CHAF1B: variants seen among roughly 807,000 people sequenced by gnomAD.
CHAF1B encodes the protein CAF-1 subunit B.
Under a neutral mutation model 60.7 loss-of-function variants are expected in CHAF1B, and 10 were observed. The observed-to-expected ratio is 0.16, with a 90% confidence interval of 0.10 to 0.28. The LOEUF is 0.28. Among genes scored for constraint, CHAF1B ranks in the 10% least tolerant of loss-of-function variants. The pLI is 1.00. For missense variants in CHAF1B, 558 were observed against 708.4 expected, an observed-to-expected ratio of 0.79 and a Z score of 2.41; for synonymous variants, 261 against 266.1, an observed-to-expected ratio of 0.98 and a Z score of 0.19.
chr21:36,393,822 A>G (rs899320542), intron 4 of CHAF1B, among the ~76,000 whole-genome samples: 1 of 152,074 alleles, frequency 6.6e-6, no homozygotes, highest in Non-Finnish European at 1.5e-5. Flanking sequence ...AAATTTTGGA[A>G]TCTCATTTTA....
chr21:36,392,627 C>T (rs527466075), intron 4 of CHAF1B, among the ~76,000 whole-genome samples: 29 of 148,970 alleles, frequency 1.9e-4, no homozygotes, highest in South Asian at 6.4e-4. Context: ...GGCTGCTGGG[C>T]GGAGGGGCTC....
chr21:36,411,268 C>A (rs1444723955), intron 10 of CHAF1B, among the ~76,000 whole-genome samples, 195 bp from the exon 11 acceptor site: 1 of 151,968 alleles, frequency 6.6e-6, no homozygotes, highest in Non-Finnish European at 1.5e-5. Context: ...CACACACCCC[C>A]ACGCCTGGCT....
At chr21:36,415,877 C>A (rs929124802) in intron 13 of CHAF1B, 16 of 341,812 alleles carry the variant, frequency 4.7e-5, no homozygotes, top group Non-Finnish European at 6.2e-5. Context: ...CTCGGCCTCC[C>A]GAGTAGCCGG....
intron 7 of CHAF1B, 137 bp downstream of exon 7, chr21:36,399,742 G>C (rs1449514105): frequency 7.2e-6 from 5 of 691,150 alleles, no homozygotes; most frequent in Non-Finnish European, 1.3e-5. Flanking sequence ...GCTTCCTTTT[G>C]GACAGTCAAG....
chr21:36,415,528 C>A, intron 13 of CHAF1B, 139 bp downstream of exon 13: 2 of 650,586 alleles, frequency 3.1e-6, no homozygotes, highest in South Asian at 1.9e-5. Context: ...TTGTTTAAAC[C>A]CGCCGGCTGC....
chr21:36,416,929 T>C lies in CHAF1B; in HGVS notation c.*563T>C, dbSNP rs2086324247. 6.6e-6 allele frequency: 1 copy of C among 152,226 alleles called. No homozygotes were observed. The highest frequency in any genetic ancestry group is 1.5e-5 in the Non-Finnish European group (1 of 68,042). 9.4% of individuals were successfully genotyped at this position (152,226 alleles called of 1,614,324 possible). A position where few individuals can be genotyped will look rare whatever the true frequency, so the allele number is the denominator to read the frequency against. ...TCACCCATCATCTTCCCACCAGAAG[T>C]AACCCTCGTTAATGTTGTAGTATAT... On this transcript the variant is annotated 3_prime_UTR_variant, in exon 14 of 14. Transcript: ENST00000314103.
At chr21:36,387,993 G>T (rs906855415) in intron 3 of CHAF1B, among the ~76,000 whole-genome samples, 7 of 151,504 alleles carry the variant, frequency 4.6e-5, no homozygotes, top group African/African-American at 7.3e-5. Flanking sequence ...TAGTTTTTTT[G>T]TGTGTTTTTA....
At position 36,416,410 on chromosome 21, in the gene CHAF1B, G is replaced by A; in HGVS notation, c.*44G>A. ...TCGAAGCCTACCAGGCTCCCGGTGTGTGCAGGGAGACGGTAAAGCTGGAGG... is the reference window on the plus strand; with the variant it reads ...TCGAAGCCTACCAGGCTCCCGGTGTATGCAGGGAGACGGTAAAGCTGGAGG... On this transcript the variant is annotated 3_prime_UTR_variant, in exon 14 of 14. Transcript: ENST00000314103. The A allele has an allele frequency of 1.3e-6, 2 of 1,525,986 alleles. No individual in the cohort carries two copies. Among genetic ancestry groups the A allele is most frequent in the Non-Finnish European group, 9.0e-7 (1 of 1,111,002 alleles). The allele number at this position is 1,525,986 out of a possible 1,614,324, so 94.5% of individuals were successfully genotyped here.
intron 3 of CHAF1B, chr21:36,389,066 G>A (rs2269187): frequency 0.47 from 71,153 of 152,290 alleles, 20,114 homozygotes; most frequent in African/African-American, 0.8. Flanking sequence ...AAGATCCCGC[G>A]TCGGTACCCA....
intron 3 of CHAF1B, among the ~76,000 whole-genome samples, chr21:36,388,280 C>T (rs1252436758): frequency 6.6e-6 from 1 of 152,120 alleles, no homozygotes; most frequent in Non-Finnish European, 1.5e-5. Flanking sequence ...TTCCCGCAAG[C>T]TCCCACCAGG....
chr21:36,413,485 C>T (rs1189935478), intron 12 of CHAF1B, among the ~76,000 whole-genome samples, 170 bp downstream of exon 12: 1 of 152,200 alleles, frequency 6.6e-6, no homozygotes, highest in Non-Finnish European at 1.5e-5. Context: ...GCATATAGGC[C>T]TCTGTTTGTT....
chr21:36,394,667 T>G lies in CHAF1B; in HGVS notation c.481+17T>G, dbSNP rs920989693. On this transcript the variant is annotated intron_variant, in intron 5 of 13. Coordinates refer to ENST00000314103, the MANE Select transcript of CHAF1B (RefSeq NM_005441.3). Reference sequence around the variant, plus strand: ...TCAGCAAAGGTAAATGATATATTTTTGTTATTAGCAGGAAGAAATATTCTA... The same window carrying G: ...TCAGCAAAGGTAAATGATATATTTTGGTTATTAGCAGGAAGAAATATTCTA... 3 of 1,524,946 alleles carry G rather than the reference T, an allele frequency of 2.0e-6. No individual in the cohort carries two copies. In the African/African-American group the frequency reaches 4.1e-5, roughly 21 times the overall value. 94.5% of individuals were successfully genotyped at this position (1,524,946 alleles called of 1,614,324 possible).
Position 36,418,682 on chromosome 21 carries a change from C to CT in CHAF1B, c.*2317dup, listed in dbSNP as rs1450586131. On this transcript the variant is annotated 3_prime_UTR_variant, in exon 14 of 14. Coordinates refer to ENST00000314103, the MANE Select transcript of CHAF1B (RefSeq NM_005441.3). ...TGGCCAACATGGTGGAACCCCATCT[C>CT]TACTAAAAATACAAAAACTAGCCAG... The CT allele has an allele frequency of 2.0e-5, 3 of 151,922 alleles. No homozygotes were observed. The highest frequency in any genetic ancestry group is 7.3e-5 in the African/African-American group (3 of 41,368). 9.4% of individuals were successfully genotyped at this position (151,922 alleles called of 1,614,324 possible). A position where few individuals can be genotyped will look rare whatever the true frequency, so the allele number is the denominator to read the frequency against.
intron 7 of CHAF1B, among the ~76,000 whole-genome samples, chr21:36,400,246 G>T (rs2086176218): frequency 6.6e-6 from 1 of 152,098 alleles, no homozygotes; most frequent in Non-Finnish European, 1.5e-5. Context: ...TTGGGAGGCT[G>T]AGGCAGGTGG....
chr21:36,405,412 C>T (rs750697108), intron 8 of CHAF1B, among the ~76,000 whole-genome samples: 14 of 151,934 alleles, frequency 9.2e-5, no homozygotes, highest in Non-Finnish European at 1.3e-4. Context: ...CTGCAAAATA[C>T]ATAGAGTAAA....
intron 8 of CHAF1B, among the ~76,000 whole-genome samples, chr21:36,403,385 A>G (rs1195639390): frequency 7.4e-6 from 1 of 134,842 alleles, no homozygotes; most frequent in Admixed American, 7.9e-5. Context: ...TGAACCCAGG[A>G]GGCAGAGGGT....
chr21:36,407,981 G>GC (rs2086250663), intron 8 of CHAF1B, among the ~76,000 whole-genome samples: 1 of 139,804 alleles, frequency 7.2e-6, no homozygotes, highest in Admixed American at 7.2e-5. Context: ...CCATCTCAAA[G>GC]AAAAAAAAAA....
chr21:36,405,237 A>G (rs964012090), intron 8 of CHAF1B, among the ~76,000 whole-genome samples: 1 of 152,226 alleles, frequency 6.6e-6, no homozygotes, highest in Non-Finnish European at 1.5e-5. Flanking sequence ...TTGTATTTCT[A>G]GAAAATCCAA....
chr21:36,391,490 A>C, intron 3 of CHAF1B, 61 bp from the exon 4 acceptor site: 1 of 1,069,652 alleles, frequency 9.3e-7, no homozygotes, highest in Non-Finnish European at 1.4e-6. Flanking sequence ...ATGAAAATAA[A>C]AATCCTAATA....
Sources: allele counts gnomAD v4.1 joint callset (sites outside exome capture counted in the v4.1 genomes callset), GRCh38; gene constraint gnomAD v4.1.1; transcripts MANE v1.5; gene names NCBI Gene and HGNC (gene_info 2026-07-23, HGNC 2026-07-21).